The following TRDN variants were observed in gnomAD, a reference collection of about 807,000 sequenced individuals.
The protein encoded by TRDN is triadin.
Under a neutral mutation model 149.7 loss-of-function variants are expected in TRDN, and 161 were observed. That is an observed-to-expected ratio of 1.08 (90% CI 0.95 to 1.23). The LOEUF (loss-of-function observed/expected upper bound fraction) is 1.23. Among genes scored for constraint, TRDN ranks in the 50% most tolerant of loss-of-function variants. The pLI, the probability that TRDN is intolerant of heterozygous loss-of-function variation, is 0.00. For synonymous variants in TRDN, 294 were observed against 250.5 expected, an observed-to-expected ratio of 1.17 and a Z score of -1.64; for missense variants, 896 against 823.5, an observed-to-expected ratio of 1.09 and a Z score of -1.08.
At chr6:123,597,554 T>C (rs1784093712) in intron 1 of TRDN, among the ~76,000 whole-genome samples, 1 of 152,096 alleles carries the variant, frequency 6.6e-6, no homozygotes, top group Non-Finnish European at 1.5e-5. Context: ...TATTGAGAAA[T>C]CTTTTCTGAA....
intron 1 of TRDN, among the ~76,000 whole-genome samples, chr6:123,622,151 A>C (rs1268623645): frequency 2.6e-5 from 4 of 151,990 alleles, no homozygotes; most frequent in Non-Finnish European, 5.9e-5. Context: ...CCTCCTCCTC[A>C]GTCTACTCAA....
intron 2 of TRDN, among the ~76,000 whole-genome samples, chr6:123,565,704 G>T (rs1351625202): frequency 4.6e-5 from 7 of 152,316 alleles, no homozygotes; most frequent in Admixed American, 2.6e-4. Flanking sequence ...ATCCCAGAGA[G>T]TCTAGCTGCC....
chr6:123,379,528 C>T (rs191308261), intron 16 of TRDN, among the ~76,000 whole-genome samples: 315 of 152,186 alleles, frequency 2.1e-3, no homozygotes, highest in Non-Finnish European at 3.1e-3. Context: ...TGATGACAGT[C>T]ACAAACAGTG....
chr6:123,304,728 T>C (rs1425722188), intron 24 of TRDN, among the ~76,000 whole-genome samples: 2 of 152,126 alleles, frequency 1.3e-5, no homozygotes, highest in Non-Finnish European at 2.9e-5. Flanking sequence ...TTTAAATCAA[T>C]GGACCAAATA....
At chr6:123,621,675 C>T (rs1562136747) in intron 1 of TRDN, among the ~76,000 whole-genome samples, 1 of 152,098 alleles carries the variant, frequency 6.6e-6, no homozygotes, top group Admixed American at 6.6e-5. Context: ...CAGAACAATA[C>T]ATGCCATGGT....
At chr6:123,435,771 GT>G (rs1244972411) in intron 12 of TRDN, among the ~76,000 whole-genome samples, 1 of 152,132 alleles carries the variant, frequency 6.6e-6, no homozygotes, top group Non-Finnish European at 1.5e-5. Flanking sequence ...CAATTACTCA[GT>G]TTGGTCTCTG....
chr6:123,448,644 C>T (rs1026468376), intron 10 of TRDN, among the ~76,000 whole-genome samples: 2 of 152,106 alleles, frequency 1.3e-5, no homozygotes, highest in Non-Finnish European at 2.9e-5. Context: ...TGGTCCTTCC[C>T]TACCCACCCA....
At chr6:123,425,886 CATCTATCT>C (rs373811839) in intron 12 of TRDN, among the ~76,000 whole-genome samples, 12 of 151,868 alleles carry the variant, frequency 7.9e-5, no homozygotes, top group African/African-American at 2.2e-4. Context: ...ATCTATCTAT[CATCTATCT>C]ATCTATCTAT....
chr6:123,402,030 T>C (rs922102985), intron 12 of TRDN, among the ~76,000 whole-genome samples: 3 of 151,408 alleles, frequency 2.0e-5, no homozygotes, highest in South Asian at 2.1e-4. Flanking sequence ...GCAGAGTGAA[T>C]GACAATGTAT....
At chr6:123,548,693 T>C in intron 2 of TRDN, 81 bp from the exon 3 acceptor site, 1 of 1,162,622 alleles carries the variant, frequency 8.6e-7, no homozygotes, top group Non-Finnish European at 1.1e-6. Context: ...TTTTACTGAT[T>C]TGTTGTTTTG....
At chr6:123,325,342 A>G (rs1403941923) in intron 23 of TRDN, among the ~76,000 whole-genome samples, 1 of 152,090 alleles carries the variant, frequency 6.6e-6, no homozygotes, top group Non-Finnish European at 1.5e-5. Context: ...TATATTAGAG[A>G]CTAGGCACCA....
chr6:123,460,669 A>C (rs1026308811), intron 10 of TRDN, among the ~76,000 whole-genome samples: 5 of 152,004 alleles, frequency 3.3e-5, no homozygotes, highest in Non-Finnish European at 7.4e-5. Flanking sequence ...TTCTCAGGAT[A>C]TATCTCACTG....
chr6:123,380,714 G>GTTTT (rs34270959), intron 16 of TRDN, among the ~76,000 whole-genome samples: 68 of 118,660 alleles, frequency 5.7e-4, no homozygotes, highest in African/African-American at 7.1e-4. Flanking sequence ...AAGTTCAAGG[G>GTTTT]TTTTTTTTTT....
At chr6:123,339,088 C>T (rs1420441224) in intron 21 of TRDN, among the ~76,000 whole-genome samples, 1 of 151,886 alleles carries the variant, frequency 6.6e-6, no homozygotes, top group Non-Finnish European at 1.5e-5. Context: ...TCTTGGCTCA[C>T]TGAAATCCCA....
chr6:123,481,435 C>T (rs1300444387), intron 9 of TRDN, among the ~76,000 whole-genome samples: 2 of 145,292 alleles, frequency 1.4e-5, no homozygotes, highest in East Asian at 2.0e-4. Flanking sequence ...AAAAAAAAAA[C>T]CTAAGTGGCA....
intron 38 of TRDN, among the ~76,000 whole-genome samples, chr6:123,224,621 T>G (rs1465074379): frequency 1.3e-5 from 2 of 151,756 alleles, no homozygotes; most frequent in Non-Finnish European, 2.9e-5. Context: ...ATGAGTCAAC[T>G]AATCTTTGAA....
intron 19 of TRDN, among the ~76,000 whole-genome samples, chr6:123,370,747 C>T (rs911970789): frequency 7.9e-5 from 12 of 152,066 alleles, no homozygotes; most frequent in African/African-American, 9.7e-5. Flanking sequence ...AAAATTTAGT[C>T]TCATGTAAAA....
chr6:123,224,049 CT>C (rs765120013), intron 39 of TRDN, 43 bp downstream of exon 39: 1 of 1,572,504 alleles, frequency 6.4e-7, no homozygotes, highest in South Asian at 1.2e-5. Context: ...AACCTTATAG[CT>C]TTGAGAGAAA....
At chr6:123,448,908 C>T (rs1198620679) in intron 10 of TRDN, among the ~76,000 whole-genome samples, 1 of 152,172 alleles carries the variant, frequency 6.6e-6, no homozygotes, top group East Asian at 1.9e-4. Flanking sequence ...TCTGTGCAGA[C>T]AACCCCAGTA....
Sources: gnomAD v4.1 joint callset for allele counts (sites outside exome capture counted in the v4.1 genomes callset) on GRCh38, gnomAD v4.1.1 for gene constraint, MANE v1.5 for transcripts, NCBI Gene and HGNC (gene_info 2026-07-23, HGNC 2026-07-21) for gene names.